The following GALNTL6 variants were observed in gnomAD, a reference collection of about 807,000 sequenced individuals.
The protein encoded by GALNTL6 is polypeptide N-acetylgalactosaminyltransferase-like 6.
Under a neutral mutation model 73.7 loss-of-function variants are expected in GALNTL6, and 46 were observed. The ratio of observed to expected loss-of-function variants is 0.62; its 90% CI spans 0.49 to 0.80. GALNTL6 has a LOEUF of 0.80. Among genes scored for constraint, GALNTL6 ranks in the 30% least tolerant of loss-of-function variants. The probability of loss-of-function intolerance (pLI) is 0.00; values close to 1 mark genes in which losing one functional copy is unlikely to be tolerated. For synonymous variants in GALNTL6, 259 were observed against 263.7 expected (o/e 0.98, Z 0.17); for missense variants, 604 against 755.0 (o/e 0.80, Z 2.34).
chr4:172,661,012 G>A (rs1485190411), intron 5 of GALNTL6, among the ~76,000 whole-genome samples: 1 of 152,178 alleles, frequency 6.6e-6, no homozygotes, highest in Non-Finnish European at 1.5e-5. Flanking sequence ...AATGTGAAAG[G>A]TGAATGTGAT....
chr4:172,069,033 T>C (rs1214501619), intron 2 of GALNTL6, among the ~76,000 whole-genome samples: 2 of 109,200 alleles, frequency 1.8e-5, no homozygotes, highest in Non-Finnish European at 4.1e-5. Context: ...ATCCACAGAT[T>C]TTTATTTATT....
intron 12 of GALNTL6, among the ~76,000 whole-genome samples, chr4:173,034,337 A>G (rs1753595370): frequency 6.6e-6 from 1 of 152,102 alleles, no homozygotes; most frequent in Non-Finnish European, 1.5e-5. Context: ...TCTCCCAATG[A>G]CCATTCCGAG....
chr4:172,879,059 G>GAAC (rs1338581668), intron 7 of GALNTL6, among the ~76,000 whole-genome samples: 1 of 151,674 alleles, frequency 6.6e-6, no homozygotes, highest in Middle Eastern at 3.4e-3. Flanking sequence ...AATTCATCAA[G>GAAC]AACAACAACA....
chr4:172,001,147 G>A (rs1349493766), intron 2 of GALNTL6, among the ~76,000 whole-genome samples: 1 of 152,130 alleles, frequency 6.6e-6, no homozygotes, highest in East Asian at 1.9e-4. Flanking sequence ...CAACAAAAGA[G>A]AGTTGAGAAA....
At chr4:172,906,055 G>A (rs921565063) in intron 8 of GALNTL6, among the ~76,000 whole-genome samples, 9 of 152,088 alleles carry the variant, frequency 5.9e-5, no homozygotes, top group Non-Finnish European at 1.0e-4. Flanking sequence ...ATCAGTAATC[G>A]CTTGCTTGAA....
intron 5 of GALNTL6, among the ~76,000 whole-genome samples, chr4:172,629,140 T>G (rs1218566490): frequency 6.6e-6 from 1 of 152,182 alleles, no homozygotes; most frequent in Admixed American, 6.6e-5. Context: ...GTGTCTTGTG[T>G]GTGCCTTTGT....
At chr4:172,253,201 C>A (rs1016605935) in intron 3 of GALNTL6, among the ~76,000 whole-genome samples, 1 of 151,320 alleles carries the variant, frequency 6.6e-6, no homozygotes, top group Non-Finnish European at 1.5e-5. Flanking sequence ...CAATGTAAAC[C>A]CGTCGGATAT....
intron 2 of GALNTL6, among the ~76,000 whole-genome samples, chr4:172,036,190 A>T (rs999973149): frequency 1.3e-5 from 2 of 152,060 alleles, no homozygotes; most frequent in Non-Finnish European, 2.9e-5. Context: ...TCATAATTCA[A>T]AAGCTTATTA....
chr4:173,009,137 C>A, intron 10 of GALNTL6, 41 bp from the exon 11 acceptor site: 1 of 1,330,510 alleles, frequency 7.5e-7, no homozygotes, highest in Non-Finnish European at 1.1e-6. Flanking sequence ...TGATAAAATA[C>A]GACATAGCCC....
chr4:172,786,062 G>C (rs1739634156), intron 5 of GALNTL6, among the ~76,000 whole-genome samples: 2 of 151,902 alleles, frequency 1.3e-5, no homozygotes, highest in South Asian at 4.2e-4. Flanking sequence ...GGAATTATGT[G>C]CCTTGAATTT....
At chr4:172,240,668 G>A (rs1560985653) in intron 3 of GALNTL6, among the ~76,000 whole-genome samples, 1 of 152,116 alleles carries the variant, frequency 6.6e-6, no homozygotes, top group Non-Finnish European at 1.5e-5. Flanking sequence ...TAAAATTCTT[G>A]TAGTGTGTCT....
chr4:172,336,147 CTA>C (rs1226310721), intron 4 of GALNTL6, among the ~76,000 whole-genome samples: 4 of 151,006 alleles, frequency 2.6e-5, no homozygotes, highest in African/African-American at 9.8e-5. Flanking sequence ...TATTATGTCT[CTA>C]TTTTTTATTT....
chr4:171,848,214 G>A (rs967980278), intron 2 of GALNTL6, among the ~76,000 whole-genome samples: 1 of 152,144 alleles, frequency 6.6e-6, no homozygotes, highest in South Asian at 2.1e-4. Context: ...GTAATATTTT[G>A]AAAGGAATTT....
chr4:172,014,852 A>G (rs1466262912), intron 2 of GALNTL6, among the ~76,000 whole-genome samples: 1 of 152,052 alleles, frequency 6.6e-6, no homozygotes, highest in African/African-American at 2.4e-5. Context: ...ATGTATTTGT[A>G]TAGTTTCGAA....
In GALNTL6 at chr4:172,121,256, A is replaced by AC. The variant is rs1248263364; in HGVS notation, c.139-108400_139-108399insC. On this transcript the variant is annotated intron_variant, in intron 2 of 12. Coordinates refer to ENST00000506823, the MANE Select transcript of GALNTL6 (RefSeq NM_001034845.3). The stretch of plus-strand genomic sequence containing the variant: ...TGCTTGGCAGATGTTCTCAAGAAGC[A>AC]TTGTGTGTGTGTGTGTGTGTGTGTG... Among the ~76,000 whole-genome samples, 3 of 75,128 alleles carry AC rather than the reference A, an allele frequency of 4.0e-5. No homozygotes were observed. In the South Asian group the frequency reaches 2.3e-3, roughly 58 times the overall value. 49.3% of individuals were successfully genotyped at this position (75,128 alleles called of 152,430 possible).
intron 5 of GALNTL6, among the ~76,000 whole-genome samples, chr4:172,733,580 A>T (rs576000317): frequency 1.3e-5 from 2 of 152,264 alleles, no homozygotes; most frequent in East Asian, 3.9e-4. Context: ...TTGAATCATG[A>T]GGGTGGGTTG....
At chr4:171,849,392 G>A (rs1250675745) in intron 2 of GALNTL6, among the ~76,000 whole-genome samples, 1 of 152,180 alleles carries the variant, frequency 6.6e-6, no homozygotes, top group Admixed American at 6.5e-5. Flanking sequence ...ATAATAGGAA[G>A]TGCTTTGTGT....
intron 2 of GALNTL6, among the ~76,000 whole-genome samples, chr4:171,987,281 C>T (rs931857963): frequency 1.3e-5 from 2 of 151,962 alleles, no homozygotes; most frequent in African/African-American, 2.4e-5. Flanking sequence ...GACGGAGGAC[C>T]GTAAGGGATA....
intron 5 of GALNTL6, among the ~76,000 whole-genome samples, chr4:172,411,333 C>A (rs539639978): frequency 2.0e-5 from 3 of 151,982 alleles, no homozygotes; most frequent in African/African-American, 7.3e-5. Flanking sequence ...TTGGTGATGT[C>A]GTAAGCCACT....
Sources: gnomAD v4.1 joint callset for allele counts (sites outside exome capture counted in the v4.1 genomes callset) on GRCh38, gnomAD v4.1.1 for gene constraint, MANE v1.5 for transcripts, NCBI Gene and HGNC (gene_info 2026-07-23, HGNC 2026-07-21) for gene names.